MDM1: variants seen among roughly 807,000 people sequenced by gnomAD.
MDM1 encodes the protein stabilizer of axonemal microtubules 6.
In MDM1, 61 loss-of-function variants were observed where a neutral mutation model predicts 89.1. The observed-to-expected ratio is 0.68, with a 90% CI of 0.56 to 0.85. MDM1 has a LOEUF of 0.85. Among genes scored for constraint, MDM1 ranks in the 40% least tolerant of loss-of-function variants. The probability of loss-of-function intolerance (pLI) is 0.00; values close to 1 mark genes in which losing one functional copy is unlikely to be tolerated. For missense variants in MDM1, 820 were observed against 846.5 expected, an observed-to-expected ratio of 0.97 and a Z score of 0.39; for synonymous variants, 290 against 294.1, an observed-to-expected ratio of 0.99 and a Z score of 0.14.
intron 12 of MDM1, among the ~76,000 whole-genome samples, chr12:68,309,360 G>A (rs1420278140): frequency 1.3e-5 from 2 of 152,140 alleles, no homozygotes; most frequent in Non-Finnish European, 2.9e-5. Context: ...AAGCATCATT[G>A]ACTTCCAAGA....
chr12:68,309,431 T>G (rs1225280245), intron 12 of MDM1, among the ~76,000 whole-genome samples: 1 of 152,244 alleles, frequency 6.6e-6, no homozygotes, highest in East Asian at 1.9e-4. Flanking sequence ...TACTTTTATT[T>G]TGAAACTCTT....
At chr12:68,297,636 T>C (rs1017287712) in intron 13 of MDM1, among the ~76,000 whole-genome samples, 1 of 152,198 alleles carries the variant, frequency 6.6e-6, no homozygotes, top group African/African-American at 2.4e-5. Flanking sequence ...TTTGCACAGC[T>C]GGGTAGTTCC....
In MDM1 at chr12:68,331,231, A is replaced by G. The variant is rs1362779154; in HGVS notation, c.19-10T>C. Reference sequence around the variant, plus strand: ...GGTATTCACTCAGCCCCTGTAATGCAAAGTACACTTTTGAGTACAGTCCAA... The same window carrying G: ...GGTATTCACTCAGCCCCTGTAATGCGAAGTACACTTTTGAGTACAGTCCAA... On this transcript the variant is annotated splice_polypyrimidine_tract_variant and intron_variant, in intron 1 of 14. Transcript: ENST00000682720. 1 of 1,428,348 alleles carries G rather than the reference A, an allele frequency of 7.0e-7. No homozygotes were observed. Among genetic ancestry groups the G allele is most frequent in the East Asian group, 2.3e-5 (1 of 44,200 alleles). 88.5% of individuals were successfully genotyped at this position (1,428,348 alleles called of 1,614,324 possible).
At chr12:68,302,153 A>G (rs976764898) in intron 13 of MDM1, among the ~76,000 whole-genome samples, 137 of 152,246 alleles carry the variant, frequency 9.0e-4, no homozygotes, top group African/African-American at 3.2e-3. Flanking sequence ...AAAAGCTGCC[A>G]GAAAGAAAAC....
At chr12:68,308,186 C>T (rs1373826050) in intron 12 of MDM1, among the ~76,000 whole-genome samples, 7 of 148,678 alleles carry the variant, frequency 4.7e-5, no homozygotes, top group South Asian at 2.1e-4. Context: ...AGTGCAGTGG[C>T]GCGATCTCAG....
intron 12 of MDM1, among the ~76,000 whole-genome samples, chr12:68,308,218 C>T (rs573638893): frequency 1.3e-5 from 2 of 151,638 alleles, no homozygotes; most frequent in African/African-American, 2.4e-5. Context: ...CTCCGCCTCC[C>T]GGATTCAGGC....
In MDM1 at chr12:68,316,233, C is replaced by T; in HGVS notation, c.1056G>A (p.Lys352=). Residue 352 remains lysine (K), a synonymous_variant, in exon 9 of 15, where the codon AAG becomes AAA. Transcript: ENST00000682720. ...GAACTCGCTTCCTATAAAACTCAGC[C>T]TTTTCTCGGAGTTCTTTAACCTATT... ...WYAEVKELRE[K]AEFYRKRVQG... is the part of the protein sequence containing the mutation. 6.2e-7 allele frequency: 1 copy of T among 1,613,406 alleles called. No homozygotes were observed. The highest frequency in any genetic ancestry group is 1.1e-5 in the South Asian group (1 of 90,980).
At position 68,317,035 on chromosome 12, in the gene MDM1, CT is replaced by C. The variant is rs574382711; in HGVS notation, c.1006-426del. On this transcript the variant is annotated intron_variant, in intron 7 of 14. Transcript: ENST00000682720. ...TCCCTTGGAATCAGCAAAATCTCAACTTTTTTTTTTTTAAAAAAGTACTAAA... is the reference window on the plus strand; with the variant it reads ...TCCCTTGGAATCAGCAAAATCTCAACTTTTTTTTTTTAAAAAAGTACTAAA... Among the ~76,000 whole-genome samples, 685 of 146,526 alleles carry C rather than the reference CT, an allele frequency of 4.7e-3. 4 individuals carry two copies. The highest frequency in any genetic ancestry group is 9.0e-3 in the African/African-American group (363 of 40,282).
intron 3 of MDM1, 165 bp downstream of exon 3, chr12:68,326,492 C>G: frequency 6.6e-7 from 1 of 1,524,836 alleles, no homozygotes; most frequent in African/African-American, 1.4e-5. Context: ...AGAACTAATT[C>G]ACAATAACTA....
intron 4 of MDM1, among the ~76,000 whole-genome samples, chr12:68,324,435 C>T (rs17802078): frequency 0.19 from 28,761 of 152,060 alleles, 3,032 homozygotes; most frequent in Admixed American, 0.26. Flanking sequence ...TGTTACTTCA[C>T]AGATTCTTAA....
intron 2 of MDM1, among the ~76,000 whole-genome samples, chr12:68,328,682 AAC>A (rs76466897): frequency 0.15 from 22,986 of 152,144 alleles, 1,814 homozygotes; most frequent in Middle Eastern, 0.18. Flanking sequence ...TCTCTGCTTT[AAC>A]ACAGAGGCAG....
chr12:68,313,316 G>A, intron 12 of MDM1, 127 bp downstream of exon 12: 1 of 690,318 alleles, frequency 1.4e-6, no homozygotes, highest in Non-Finnish European at 2.4e-6. Flanking sequence ...CTAAAAGCAG[G>A]TTAACAGTAT....
Position 68,331,152 on chromosome 12 carries a change from C to T in MDM1, c.88G>A (p.Val30Met), listed in dbSNP as rs773099699. 4 of 1,611,778 alleles carry T rather than the reference C, an allele frequency of 2.5e-6. No individual in the cohort carries two copies. The highest frequency in any genetic ancestry group is 2.5e-6 in the Non-Finnish European group (3 of 1,177,896). The part of the protein sequence containing the change: ...SYLSESCNSS[V>M]GRKYPWAGLR... ...CCAGCCCATGGGTACTTTCGCCCCA[C>T]GGAGGAATTACAAGACTCGGACAAA... The change falls in exon 2 of 15, where the codon GTG (valine) becomes ATG (methionine). Residue 30 changes from valine to methionine, a missense_variant. Val to Met is a conservative substitution (Grantham distance 21). Coordinates refer to ENST00000682720, the MANE Select transcript of MDM1 (RefSeq NM_001354969.2).
At chr12:68,313,842 AG>A (rs1174565978) in intron 10 of MDM1, 89 bp from the exon 11 acceptor site, 1 of 1,200,184 alleles carries the variant, frequency 8.3e-7, no homozygotes, top group African/African-American at 1.5e-5. Context: ...GCAATAATAA[AG>A]TATAAAACTT....
At chr12:68,324,362 C>G (rs973608830) in intron 4 of MDM1, among the ~76,000 whole-genome samples, 1 of 151,948 alleles carries the variant, frequency 6.6e-6, no homozygotes, top group African/African-American at 2.4e-5. Flanking sequence ...CCAAAAAAAC[C>G]TGTAGGCAAG....
chr12:68,313,596 T>C (rs774902901), intron 11 of MDM1, 44 bp from the exon 12 acceptor site: 13 of 1,608,110 alleles, frequency 8.1e-6, no homozygotes, highest in South Asian at 3.3e-5. Flanking sequence ...TAAATTAACA[T>C]GTAGAAAAAG....
In MDM1 at chr12:68,321,570, TGTAA is replaced by T; in HGVS notation, c.856_859del (p.Leu286ThrfsTer18). ...AGGAGTAAGCTTCCTTTTAGGCTGG[TGTAA>T]GTCTTTTAATTCCATCTCTGCTTCC... On this transcript the variant is annotated frameshift_variant, in exon 6 of 15. Coordinates refer to ENST00000682720, the MANE Select transcript of MDM1 (RefSeq NM_001354969.2). LOFTEE classifies it high-confidence loss of function. 1 of 1,613,338 alleles carries T rather than the reference TGTAA, an allele frequency of 6.2e-7. No homozygotes were observed. The highest frequency in any genetic ancestry group is 8.5e-7 in the Non-Finnish European group (1 of 1,179,814).
Position 68,302,816 on chromosome 12 carries a change from A to G in MDM1, c.1806T>C (p.Val602=), listed in dbSNP as rs748732327. 6.2e-7 allele frequency: 1 copy of G among 1,613,552 alleles called. No individual in the cohort carries two copies. The highest frequency in any genetic ancestry group is 1.3e-5 in the African/African-American group (1 of 74,856). The part of the protein sequence containing the change: ...LTSPAAGIKT[V]DPLPLREDSE... ...AATCTTCCCGCAAAGGCAGAGGATC[A>G]ACTGTTTTTATACCAGCAGCTGGAG... The change falls in exon 13 of 15, where the codon GTT becomes GTC. Residue 602 remains valine (V), a synonymous_variant. Coordinates refer to ENST00000682720, the MANE Select transcript of MDM1 (RefSeq NM_001354969.2).
chr12:68,331,266 G>T, intron 1 of MDM1, 45 bp from the exon 2 acceptor site: 1 of 1,061,922 alleles, frequency 9.4e-7, no homozygotes, highest in Non-Finnish European at 1.5e-6. Context: ...ATTAATGAAT[G>T]ATGTTTTAAA....
Sources: allele counts gnomAD v4.1 joint callset (sites outside exome capture counted in the v4.1 genomes callset), GRCh38; gene constraint gnomAD v4.1.1; transcripts MANE v1.5; gene names NCBI Gene and HGNC (gene_info 2026-07-23, HGNC 2026-07-21).